POF1B: variants seen among roughly 807,000 people sequenced by gnomAD.
POF1B encodes the protein protein POF1B.
In POF1B, 53 loss-of-function variants were observed where a neutral mutation model predicts 55.3. That is an observed-to-expected ratio of 0.96 (90% confidence interval 0.77 to 1.20). The LOEUF is 1.20. Among genes scored for constraint, POF1B ranks in the 50% most tolerant of loss-of-function variants. POF1B has a pLI of 0.00. For missense variants in POF1B, 478 were observed against 420.5 expected (o/e 1.14, Z -1.20); for synonymous variants, 188 against 148.3 (o/e 1.27, Z -1.95).
At chrX:85,369,871 G>A (rs899027733) in intron 2 of POF1B, among the ~76,000 whole-genome samples, 3 of 111,875 alleles carry the variant, frequency 2.7e-5, no homozygotes, top group Non-Finnish European at 5.7e-5. Flanking sequence ...AGGTATTCAT[G>A]TCTAGAGGAT....
chrX:85,360,476 C>T (rs1933587125), intron 3 of POF1B, among the ~76,000 whole-genome samples: 1 of 99,429 alleles, frequency 1.0e-5, no homozygotes, highest in Non-Finnish European at 2.0e-5. Flanking sequence ...CATGTTCCCA[C>T]AAAAGACATG....
At chrX:85,347,039 G>T (rs1933287472) in intron 5 of POF1B, among the ~76,000 whole-genome samples, 1 of 110,847 alleles carries the variant, frequency 9.0e-6, no homozygotes, top group Non-Finnish European at 1.9e-5. Flanking sequence ...TTTGTTATTT[G>T]CTTATTTGTC....
At chrX:85,358,651 G>GA (rs1389800677) in intron 4 of POF1B, among the ~76,000 whole-genome samples, 8 of 110,353 alleles carry the variant, frequency 7.2e-5, no homozygotes, top group East Asian at 2.9e-4. Flanking sequence ...AACAGAGATA[G>GA]AAAAAAATCA....
intron 5 of POF1B, among the ~76,000 whole-genome samples, chrX:85,349,172 G>T (rs1379633441): frequency 9.0e-6 from 1 of 110,905 alleles, no homozygotes; most frequent in Non-Finnish European, 1.9e-5. Flanking sequence ...TTAAAGATTT[G>T]CATGTTTATG....
intron 6 of POF1B, 80 bp downstream of exon 6, chrX:85,345,780 T>C: frequency 1.1e-6 from 1 of 873,250 alleles, no homozygotes; most frequent in Non-Finnish European, 1.5e-6. Context: ...GAAAATTTAA[T>C]GGGAGCACCT....
intron 15 of POF1B, among the ~76,000 whole-genome samples, chrX:85,299,648 G>A (rs1417641158): frequency 3.1e-5 from 3 of 97,729 alleles, no homozygotes; most frequent in Non-Finnish European, 6.0e-5. Flanking sequence ...GGGACTACAG[G>A]TGCCCGCCAC....
intron 16 of POF1B, among the ~76,000 whole-genome samples, 187 bp from the exon 17 acceptor site, chrX:85,279,613 T>C (rs73513635): frequency 0.082 from 9,100 of 110,569 alleles, 837 homozygotes; most frequent in African/African-American, 0.27. Context: ...CTTACTTTAC[T>C]CATGGTATGT....
chrX:85,307,228 C>T lies in POF1B; in HGVS notation c.1099G>A (p.Asp367Asn), dbSNP rs993466386. ...TCTTCGTACTCTTTTAATTGAGTGTCTTTGAATGATAAATCTTTCTCAAGT... is the reference window on the plus strand; with the variant it reads ...TCTTCGTACTCTTTTAATTGAGTGTTTTTGAATGATAAATCTTTCTCAAGT... ...MRLEKDLSFKDTQLKEYEELL... is the reference protein window; with the variant it reads ...MRLEKDLSFKNTQLKEYEELL... The change falls in exon 11 of 17, where the codon GAC becomes AAC. Residue 367 changes from aspartate (D) to asparagine (N), a missense_variant. Coordinates refer to ENST00000262753, the MANE Select transcript of POF1B (RefSeq NM_024921.4). The T allele has an allele frequency of 2.5e-6, 3 of 1,204,417 alleles. No homozygotes were observed. The highest frequency in any genetic ancestry group is 3.4e-6 in the Non-Finnish European group (3 of 891,471).
intron 2 of POF1B, among the ~76,000 whole-genome samples, chrX:85,368,276 A>G (rs181043825): frequency 9.0e-6 from 1 of 111,224 alleles, no homozygotes; most frequent in East Asian, 2.8e-4. Context: ...TTCTCATAAA[A>G]TGATGTAAAA....
chrX:85,332,034 C>G (rs1932987952), intron 6 of POF1B, among the ~76,000 whole-genome samples: 1 of 111,408 alleles, frequency 9.0e-6, no homozygotes, highest in Non-Finnish European at 1.9e-5. Context: ...GATTTCATAT[C>G]TTGGATATTG....
At chrX:85,319,601 A>G (rs751503169) in intron 7 of POF1B, among the ~76,000 whole-genome samples, 4 of 110,606 alleles carry the variant, frequency 3.6e-5, no homozygotes, top group Non-Finnish European at 7.6e-5. Context: ...TCATCAAAAA[A>G]CCTTTTCCGT....
At chrX:85,289,270 G>A (rs6653053) in intron 15 of POF1B, among the ~76,000 whole-genome samples, 2,140 of 111,589 alleles carry the variant, frequency 0.019, 48 homozygotes, top group African/African-American at 0.066. Flanking sequence ...ACTCACTGGC[G>A]CAAGGGGCTT....
At chrX:85,308,322 T>C in intron 9 of POF1B, 106 bp from the exon 10 acceptor site, 1 of 424,904 alleles carries the variant, frequency 2.4e-6, no homozygotes, top group Non-Finnish European at 3.9e-6. Context: ...ATAATTTTAC[T>C]TTGATATGGC....
chrX:85,311,850 C>CT (rs1932708123), intron 9 of POF1B, among the ~76,000 whole-genome samples: 1 of 112,003 alleles, frequency 8.9e-6, no homozygotes, highest in African/African-American at 3.2e-5. Context: ...TTTTTCCTGA[C>CT]TTTTTGATGA....
chrX:85,340,614 A>T (rs1933153386), intron 6 of POF1B, among the ~76,000 whole-genome samples: 1 of 111,244 alleles, frequency 9.0e-6, no homozygotes, highest in South Asian at 3.7e-4. Context: ...ACAGTGTGGG[A>T]AAGGGTACTG....
chrX:85,370,620 T>G (rs1318005949), intron 2 of POF1B, among the ~76,000 whole-genome samples: 1 of 111,468 alleles, frequency 9.0e-6, no homozygotes, highest in Non-Finnish European at 1.9e-5. Flanking sequence ...AGAAAACCCC[T>G]TTTCCCTGGA....
chrX:85,288,658 G>T (rs1411055020), intron 15 of POF1B, among the ~76,000 whole-genome samples: 1 of 111,229 alleles, frequency 9.0e-6, no homozygotes, highest in East Asian at 2.9e-4. Flanking sequence ...AATCATGGGG[G>T]CTGGTCTTTC....
At chrX:85,291,083 C>T (rs1932176017) in intron 15 of POF1B, among the ~76,000 whole-genome samples, 1 of 111,810 alleles carries the variant, frequency 8.9e-6, no homozygotes, top group Non-Finnish European at 1.9e-5. Flanking sequence ...ACATTTAAGT[C>T]TTTAGTTCAT....
chrX:85,324,354 C>A (rs1467260335), intron 7 of POF1B, among the ~76,000 whole-genome samples: 1 of 110,801 alleles, frequency 9.0e-6, no homozygotes, highest in East Asian at 2.8e-4. Flanking sequence ...TTATCTAAAT[C>A]TCTTCATAGC....
Sources: gnomAD v4.1 joint callset for allele counts (sites outside exome capture counted in the v4.1 genomes callset) on GRCh38, gnomAD v4.1.1 for gene constraint, MANE v1.5 for transcripts, NCBI Gene and HGNC (gene_info 2026-07-23, HGNC 2026-07-21) for gene names.